Variants in GALNT13 observed in about 807,000 individuals in gnomAD.
The protein encoded by GALNT13 is UDP-GalNAc:polypeptide N-acetylgalactosaminyltransferase 13.
A neutral mutation model predicts 64.2 loss-of-function variants in GALNT13; 28 were observed. The observed-to-expected ratio is 0.44, with a 90% CI of 0.32 to 0.60. GALNT13 has a LOEUF of 0.60. Ranked by LOEUF, GALNT13 falls within the 20% of genes least tolerant of loss-of-function variation. GALNT13 has a pLI of 0.05. For synonymous variants in GALNT13, 214 were observed against 224.6 expected (o/e 0.95, Z 0.42); for missense variants, 577 against 669.8 (o/e 0.86, Z 1.53).
chr2:154,092,731 G>A (rs955978168), intron 3 of GALNT13, among the ~76,000 whole-genome samples: 1 of 152,040 alleles, frequency 6.6e-6, no homozygotes, highest in Non-Finnish European at 1.5e-5. Flanking sequence ...TCATCATCAT[G>A]AACAGTGGTA....
chr2:153,355,650 A>T, the GALNT13 span, among the ~76,000 whole-genome samples: 1 of 152,192 alleles, frequency 6.6e-6, no homozygotes. Context: ...TGGCCTTCTT[A>T]ATCAAACAGC....
chr2:153,135,641 G>T, the GALNT13 span, among the ~76,000 whole-genome samples: 1 of 151,936 alleles, frequency 6.6e-6, no homozygotes, highest in Non-Finnish European at 1.5e-5. Flanking sequence ...AACTTTCAAA[G>T]GTAATTTTAT....
At chr2:154,241,460 T>C (rs1387330305) in intron 4 of GALNT13, among the ~76,000 whole-genome samples, 1 of 152,108 alleles carries the variant, frequency 6.6e-6, no homozygotes, top group Non-Finnish European at 1.5e-5. Flanking sequence ...CTCCAAAACA[T>C]AGGGAAATTT....
chr2:154,043,672 G>A (rs1247240257), intron 3 of GALNT13, among the ~76,000 whole-genome samples: 1 of 151,876 alleles, frequency 6.6e-6, no homozygotes, highest in Non-Finnish European at 1.5e-5. Flanking sequence ...AATATTCATT[G>A]AATGTCTGAC....
chr2:153,910,721 T>C (rs1688881500), intron 2 of GALNT13, among the ~76,000 whole-genome samples: 1 of 152,110 alleles, frequency 6.6e-6, no homozygotes, highest in African/African-American at 2.4e-5. Flanking sequence ...CAGGTTAATT[T>C]CCATGTAATT....
At chr2:153,132,428 C>A in the GALNT13 span, among the ~76,000 whole-genome samples, 1 of 152,020 alleles carries the variant, frequency 6.6e-6, no homozygotes, top group South Asian at 2.1e-4. Context: ...CTTTTTATTA[C>A]CTAAGAGTAT....
chr2:153,878,442 A>G (rs1223901342), intron 1 of GALNT13, among the ~76,000 whole-genome samples: 1 of 152,200 alleles, frequency 6.6e-6, no homozygotes, highest in Non-Finnish European at 1.5e-5. Context: ...ACTTGATGAC[A>G]TAATGCTTAT....
At chr2:154,275,890 G>C (rs1226051855) in intron 8 of GALNT13, among the ~76,000 whole-genome samples, 1 of 152,210 alleles carries the variant, frequency 6.6e-6, no homozygotes, top group Non-Finnish European at 1.5e-5. Flanking sequence ...GGCCGTGGGA[G>C]CCCATCTCTT....
chr2:153,946,185 G>A (rs774182849), intron 3 of GALNT13, among the ~76,000 whole-genome samples: 7 of 152,066 alleles, frequency 4.6e-5, no homozygotes, highest in Non-Finnish European at 8.8e-5. Flanking sequence ...TGATCACTCT[G>A]TCATTTGTTG....
rs1172192293 is a variant in GALNT13, at chr2:154,347,172, C to T, written c.1156+45583C>T. Among the ~76,000 whole-genome samples, 5 of 152,142 alleles carry T rather than the reference C, an allele frequency of 3.3e-5. No individual in the cohort carries two copies. The East Asian group carries it at 9.7e-4, about 29-fold the overall frequency. On this transcript the variant is annotated intron_variant, in intron 9 of 12. Transcript: ENST00000392825. ...TTAATGCTATTATTTAATTTCTATG[C>T]TTGGATTAATAAGTTCTAGAGATTT...
chr2:153,314,526 C>A, the GALNT13 span, among the ~76,000 whole-genome samples: 1 of 151,858 alleles, frequency 6.6e-6, no homozygotes, highest in Non-Finnish European at 1.5e-5. Context: ...TTCCAAAATA[C>A]CATGTTAGGT....
At chr2:153,745,095 A>G in the GALNT13 span, among the ~76,000 whole-genome samples, 1 of 152,176 alleles carries the variant, frequency 6.6e-6, no homozygotes, top group Non-Finnish European at 1.5e-5. Flanking sequence ...TTAGAAAAAC[A>G]GGAAAGGAAC....
At chr2:153,184,518 G>A in the GALNT13 span, among the ~76,000 whole-genome samples, 2 of 152,210 alleles carry the variant, frequency 1.3e-5, no homozygotes, top group Admixed American at 1.3e-4. Context: ...TTGAATGGGA[G>A]TGGTGAGAGA....
chr2:153,459,527 A>G, the GALNT13 span, among the ~76,000 whole-genome samples: 10 of 152,152 alleles, frequency 6.6e-5, no homozygotes, highest in Admixed American at 4.6e-4. Flanking sequence ...TTATAAACCC[A>G]TATGCACTGA....
At chr2:153,327,908 T>G in the GALNT13 span, among the ~76,000 whole-genome samples, 1 of 152,218 alleles carries the variant, frequency 6.6e-6, no homozygotes, top group Non-Finnish European at 1.5e-5. Flanking sequence ...CTTTTTGCAC[T>G]GTTTTTTTCT....
chr2:154,258,917 T>G, intron 7 of GALNT13, 104 bp from the exon 8 acceptor site: 2 of 623,160 alleles, frequency 3.2e-6, no homozygotes, highest in South Asian at 2.0e-5. Flanking sequence ...AGTTTGAGAT[T>G]TTTTAAATAT....
At chr2:153,815,428 C>G in the GALNT13 span, among the ~76,000 whole-genome samples, 4 of 152,046 alleles carry the variant, frequency 2.6e-5, no homozygotes, top group African/African-American at 9.7e-5. Flanking sequence ...TGTAAACTCA[C>G]TTTATTCCAT....
chr2:153,857,349 CTATT>C, the GALNT13 span, among the ~76,000 whole-genome samples: 2 of 152,074 alleles, frequency 1.3e-5, no homozygotes, highest in Admixed American at 6.6e-5. Flanking sequence ...GAACTTTTCT[CTATT>C]TATGTTATAC....
chr2:154,394,057 G>A lies in GALNT13; in HGVS notation c.1157-1934G>A, dbSNP rs534001697. ...TGCGCCACTGCACTCCAGCCTGGGC[G>A]ACAGAGCGAGACTCCGTCTCAAAAA... On this transcript the variant is annotated intron_variant, in intron 9 of 12. Transcript: ENST00000392825. Among the ~76,000 whole-genome samples the A allele has an allele frequency of 8.5e-3, 861 of 101,170 alleles. 8 individuals carry two copies. Among genetic ancestry groups the A allele is most frequent in the Middle Eastern group, 0.012 (1 of 86 alleles). 66.4% of individuals were successfully genotyped at this position (101,170 alleles called of 152,430 possible). A position where few individuals can be genotyped will look rare whatever the true frequency, so the allele number is the denominator to read the frequency against.
Sources: allele counts gnomAD v4.1 joint callset (sites outside exome capture counted in the v4.1 genomes callset), GRCh38; gene constraint gnomAD v4.1.1; transcripts MANE v1.5; gene names NCBI Gene and HGNC (gene_info 2026-07-23, HGNC 2026-07-21).